Variants in PRKN observed in about 807,000 individuals in gnomAD.
PRKN encodes E3 ubiquitin-protein ligase parkin.
A neutral mutation model predicts 59.5 loss-of-function variants in PRKN; 56 were observed. The ratio of observed to expected loss-of-function variants is 0.94; its 90% CI spans 0.76 to 1.18. PRKN has a LOEUF of 1.18. PRKN is among the 50% of genes most tolerant of loss of function. PRKN has a pLI of 0.00. For missense variants in PRKN, 657 were observed against 596.4 expected (o/e 1.10, Z -1.06); for synonymous variants, 250 against 222.1 (o/e 1.13, Z -1.12).
chr6:161,548,894 C>A lies in PRKN; in HGVS notation c.1043G>T (p.Arg348Met). ...ATTGCCCCCTTCGCAGGTGACTTTC[C>A]TCTGGTCAGGCTCCGGCAGCAGCCC... ...GAGLLPEPDQ[R>M]KVTCEGGNGL... is the part of the protein sequence containing the mutation. The change falls in exon 9 of 12, where the codon AGG (arginine) becomes ATG (methionine). Residue 348 changes from arginine to methionine, a missense_variant. Transcript: ENST00000366898. This position sits in a 1 kb window ranked among gnomAD's most constrained non-coding sequence, Gnocchi z 4.2. 6.2e-7 allele frequency: 1 copy of A among 1,614,188 alleles called. No homozygotes were observed. The highest frequency in any genetic ancestry group is 8.5e-7 in the Non-Finnish European group (1 of 1,180,036).
Position 161,473,807 on chromosome 6 carries a change from T to G in PRKN, c.1083+75047A>C, listed in dbSNP as rs150813037. ...TAGTAACCACTTCACTATGTATAAATATATCAAAATATGTTGTACACCTTA... is the reference window on the plus strand; with the variant it reads ...TAGTAACCACTTCACTATGTATAAAGATATCAAAATATGTTGTACACCTTA... On this transcript the variant is annotated intron_variant, in intron 9 of 11. Transcript: ENST00000366898. The surrounding 1 kb of genome is among the most constrained non-coding windows in gnomAD (Gnocchi z 4.1). 6.6e-6 allele frequency among the ~76,000 whole-genome samples: 1 copy of G among 152,172 alleles called. No homozygotes were observed. The highest frequency in any genetic ancestry group is 1.5e-5 in the Non-Finnish European group (1 of 68,048).
intron 8 of PRKN, among the ~76,000 whole-genome samples, chr6:161,567,051 G>GTGTA (rs1780678770): frequency 7.9e-6 from 1 of 126,426 alleles, no homozygotes; most frequent in African/African-American, 3.1e-5. Flanking sequence ...GTGTGTGTGT[G>GTGTA]TGTGTGTGAG....
intron 1 of PRKN, among the ~76,000 whole-genome samples, chr6:162,474,285 T>C (rs956737745): frequency 9.2e-5 from 14 of 152,208 alleles, no homozygotes; most frequent in African/African-American, 2.7e-4. Context: ...ACATTGCAAA[T>C]ACCCAACTTC....
At chr6:162,538,027 T>A (rs1389154067) in intron 1 of PRKN, among the ~76,000 whole-genome samples, 3 of 152,218 alleles carry the variant, frequency 2.0e-5, no homozygotes, top group African/African-American at 7.2e-5. Context: ...AATATAGTCA[T>A]CTTCTCAACT....
chr6:162,040,009 G>A (rs1046004122), intron 5 of PRKN, among the ~76,000 whole-genome samples: 5 of 152,116 alleles, frequency 3.3e-5, no homozygotes, highest in African/African-American at 1.2e-4. Context: ...GCATTTGGTG[G>A]GCACTGCTTG....
chr6:161,992,496 C>G (rs1781689113), intron 5 of PRKN, among the ~76,000 whole-genome samples: 2 of 152,134 alleles, frequency 1.3e-5, no homozygotes, highest in African/African-American at 2.4e-5. Flanking sequence ...GAGATAGACC[C>G]TGATACAACA....
chr6:162,296,952 G>T (rs1360917992), intron 2 of PRKN, among the ~76,000 whole-genome samples: 7 of 151,974 alleles, frequency 4.6e-5, no homozygotes, highest in Admixed American at 2.0e-4. Context: ...TACATCTCCA[G>T]GCCTCTCATA....
At chr6:162,374,937 C>T (rs9365411) in intron 2 of PRKN, among the ~76,000 whole-genome samples, 98,789 of 151,870 alleles carry the variant, frequency 0.65, 33,492 homozygotes, top group African/African-American at 0.84. Flanking sequence ...TAATCTCTCA[C>T]AATTGAATCT....
chr6:162,349,706 A>C (rs962845019), intron 2 of PRKN, among the ~76,000 whole-genome samples: 2 of 152,184 alleles, frequency 1.3e-5, no homozygotes, highest in Admixed American at 1.3e-4. Flanking sequence ...CCTTGCCCTG[A>C]TAAAGAGAAT....
intron 4 of PRKN, among the ~76,000 whole-genome samples, chr6:162,192,065 A>C (rs73594262): frequency 0.023 from 3,523 of 152,212 alleles, 119 homozygotes; most frequent in African/African-American, 0.078. Context: ...AGAGAACCTT[A>C]TTTTTTCTTT....
At chr6:161,439,904 A>G (rs1320090215) in intron 9 of PRKN, among the ~76,000 whole-genome samples, 1 of 151,808 alleles carries the variant, frequency 6.6e-6, no homozygotes, top group Non-Finnish European at 1.5e-5. Context: ...CTGAGATTCG[A>G]GCATCAGTAT....
At chr6:162,617,327 G>T (rs969639037) in intron 1 of PRKN, among the ~76,000 whole-genome samples, 4 of 152,126 alleles carry the variant, frequency 2.6e-5, no homozygotes, top group African/African-American at 9.7e-5. Context: ...CACTTCCCAG[G>T]TTCAAGCTAT....
intron 1 of PRKN, among the ~76,000 whole-genome samples, chr6:162,566,720 T>C (rs1218496678): frequency 1.3e-5 from 2 of 152,238 alleles, no homozygotes; most frequent in South Asian, 2.1e-4. Flanking sequence ...GAAGAACTAA[T>C]ACCAACCCTA....
In PRKN at chr6:162,384,647, TA is replaced by T. The variant is rs774251208; in HGVS notation, c.171+58662del. On this transcript the variant is annotated intron_variant, in intron 2 of 11. Transcript: ENST00000366898. ...AGGGTTGCCACAAAGCTTCAATTTG[TA>T]AAAAAAAAAAAAAACAAAAAAAAAA... 2.1e-3 allele frequency among the ~76,000 whole-genome samples: 200 copies of T among 93,424 alleles called. 1 individual carries two copies. The highest frequency in any genetic ancestry group is 5.6e-3 in the African/African-American group (142 of 25,556). The allele number at this position is 93,424 out of a possible 152,430, so 61.3% of individuals were successfully genotyped here.
intron 5 of PRKN, among the ~76,000 whole-genome samples, chr6:162,016,395 T>C (rs1051029897): frequency 1.3e-5 from 2 of 152,128 alleles, no homozygotes; most frequent in African/African-American, 4.8e-5. Flanking sequence ...CAAAATATCC[T>C]CTTTGAAAGG....
chr6:162,323,315 TAA>T (rs1331073384), intron 2 of PRKN, among the ~76,000 whole-genome samples: 1 of 149,292 alleles, frequency 6.7e-6, no homozygotes, highest in Admixed American at 6.7e-5. Context: ...GAAAAAAACA[TAA>T]GAGAAAATCT....
chr6:162,400,969 G>T (rs1160233714), intron 2 of PRKN, among the ~76,000 whole-genome samples: 1 of 151,994 alleles, frequency 6.6e-6, no homozygotes, highest in African/African-American at 2.4e-5. Flanking sequence ...AATAAAATAG[G>T]AAATCCAAAT....
At chr6:161,850,715 A>G (rs956596866) in intron 6 of PRKN, among the ~76,000 whole-genome samples, 1 of 152,190 alleles carries the variant, frequency 6.6e-6, no homozygotes, top group Non-Finnish European at 1.5e-5. Flanking sequence ...TAAGGGACTC[A>G]GGAATGTGTT....
At chr6:162,111,388 C>T (rs1490127431) in intron 4 of PRKN, among the ~76,000 whole-genome samples, 1 of 152,040 alleles carries the variant, frequency 6.6e-6, no homozygotes, top group Non-Finnish European at 1.5e-5. Context: ...TGGTGTGAAC[C>T]TGGGAGGCAG....
Sources: gnomAD v4.1 joint callset for allele counts (sites outside exome capture counted in the v4.1 genomes callset) on GRCh38, gnomAD v4.1.1 for gene constraint, Gnocchi (gnomAD v3.1) non-coding constraint, MANE v1.5 for transcripts, NCBI Gene and HGNC (gene_info 2026-07-23, HGNC 2026-07-21) for gene names.